The following SNX25 variants were observed in gnomAD, a reference collection of about 807,000 sequenced individuals.
The protein encoded by SNX25 is sorting nexin 25.
A neutral mutation model predicts 113.7 loss-of-function variants in SNX25; 62 were observed. The ratio of observed to expected loss-of-function variants is 0.55; its 90% confidence interval spans 0.44 to 0.67. The LOEUF (loss-of-function observed/expected upper bound fraction) is 0.67, where lower values mean the gene tolerates loss of function less well. Ranked by LOEUF, SNX25 falls within the 30% of genes least tolerant of loss-of-function variation. The pLI, the probability that SNX25 is intolerant of heterozygous loss-of-function variation, is 0.00. For missense variants in SNX25, 1,014 were observed against 1,161.0 expected (o/e 0.87, Z 1.84); for synonymous variants, 421 against 436.2 (o/e 0.97, Z 0.43).
In SNX25 at chr4:185,363,507, TAG is replaced by T; in HGVS notation, c.*44_*45del. On this transcript the variant is annotated 3_prime_UTR_variant, in exon 19 of 19. Coordinates refer to ENST00000652585, the MANE Select transcript of SNX25 (RefSeq NM_001378034.2). The surrounding 1 kb of genome is among the most constrained non-coding windows in gnomAD (Gnocchi z 4.2). ...CACCAGAAAAATGTCTGTGTAATAA[TAG>T]ACATGAAACATTTTCCTCTTTTCCA... The T allele has an allele frequency of 6.4e-7, 1 of 1,568,424 alleles. No individual in the cohort carries two copies. The highest frequency in any genetic ancestry group is 1.3e-5 in the African/African-American group (1 of 74,116).
At chr4:185,212,662 G>A (rs1266801739) in intron 1 of SNX25, among the ~76,000 whole-genome samples, 3 of 152,048 alleles carry the variant, frequency 2.0e-5, no homozygotes, top group Non-Finnish European at 4.4e-5. Context: ...CTTTTTAAAT[G>A]TTCTCTTCTT....
chr4:185,207,970 G>A (rs559756363), upstream of SNX25, among the ~76,000 whole-genome samples: 5 of 152,216 alleles, frequency 3.3e-5, no homozygotes, highest in Admixed American at 6.5e-5. Context: ...AGATTTGGTT[G>A]TTGTTGATAA....
intron 18 of SNX25, 106 bp downstream of exon 18, chr4:185,362,817 A>G: frequency 1.4e-6 from 1 of 703,562 alleles, no homozygotes; most frequent in South Asian, 1.9e-5. Flanking sequence ...TCATTCTCAC[A>G]TACTAGTCAT....
intron 6 of SNX25, among the ~76,000 whole-genome samples, chr4:185,297,895 G>A (rs1242551907): frequency 1.6e-4 from 25 of 151,972 alleles, no homozygotes; most frequent in Non-Finnish European, 1.5e-5. Flanking sequence ...AATTTTAGAG[G>A]GACACATTCA....
intron 5 of SNX25, among the ~76,000 whole-genome samples, chr4:185,270,346 TG>T (rs1748748702): frequency 6.6e-6 from 1 of 152,206 alleles, no homozygotes; most frequent in South Asian, 2.1e-4. Flanking sequence ...TACTATGTGA[TG>T]AAACAAAAAT....
upstream of SNX25, among the ~76,000 whole-genome samples, chr4:185,208,685 C>A (rs976524352): frequency 6.6e-6 from 1 of 151,636 alleles, no homozygotes; most frequent in East Asian, 2.0e-4. Context: ...CCGAGATCGC[C>A]CCACTGCACT....
Position 185,317,607 on chromosome 4 carries a change from G to T in SNX25, c.1345-3126G>T, listed in dbSNP as rs550436774. 1.7e-4 allele frequency among the ~76,000 whole-genome samples: 26 copies of T among 152,308 alleles called. No individual in the cohort carries two copies. The South Asian group carries it at 5.4e-3, about 32-fold the overall frequency. On this transcript the variant is annotated intron_variant, in intron 7 of 18. Transcript: ENST00000652585. The stretch of plus-strand genomic sequence containing the variant: ...CAATGATAGACTGGAAGAAGAAAAT[G>T]TGGCACATATACACCATGGAGTACT...
intron 1 of SNX25, among the ~76,000 whole-genome samples, chr4:185,229,984 A>G (rs1741587287): frequency 1.3e-5 from 2 of 151,994 alleles, no homozygotes; most frequent in African/African-American, 2.4e-5. Flanking sequence ...ACGTGCCACC[A>G]TGCCTGGCCA....
rs2095216961 is a variant in SNX25, at chr4:185,334,478, GA to G, written c.1914+1722del. On this transcript the variant is annotated intron_variant, in intron 10 of 18. Transcript: ENST00000652585. The surrounding 1 kb of genome is among the most constrained non-coding windows in gnomAD (Gnocchi z 4.2). ...CTCCCATTTACTACATACAGAACTC[GA>G]AAGCCTGATAGTCTTCCCAGTGACA... is the stretch of plus-strand genomic sequence containing the variant. 6.6e-6 allele frequency among the ~76,000 whole-genome samples: 1 copy of G among 152,146 alleles called. No homozygotes were observed. The highest frequency in any genetic ancestry group is 1.5e-5 in the Non-Finnish European group (1 of 68,036).
chr4:185,353,562 A>G lies in SNX25; in HGVS notation c.2544A>G (p.Pro848=), dbSNP rs961623196. The G allele has an allele frequency of 1.2e-6, 2 of 1,614,152 alleles. No homozygotes were observed. The highest frequency in any genetic ancestry group is 1.7e-6 in the Non-Finnish European group (2 of 1,180,032). ...VDGRKDALAE[P]CFMLIGEIFE... is the part of the protein sequence containing the mutation. ...GGAGGAAAGACGCCTTGGCTGAACC[A>G]TGTTTCATGTTGATTGGGGAGATTT... The change falls in exon 15 of 19, where the codon CCA becomes CCG. Residue 848 remains proline (P), a synonymous_variant. Coordinates refer to ENST00000652585, the MANE Select transcript of SNX25 (RefSeq NM_001378034.2).
chr4:185,353,258 CA>C (rs1158702617), intron 14 of SNX25: 6 of 422,420 alleles, frequency 1.4e-5, no homozygotes, highest in Non-Finnish European at 2.5e-5. Flanking sequence ...AATACAGCGA[CA>C]GATTTTTTTT....
At chr4:185,360,918 CAA>C (rs972994015) in intron 16 of SNX25, among the ~76,000 whole-genome samples, 1 of 115,918 alleles carries the variant, frequency 8.6e-6, no homozygotes, top group African/African-American at 4.3e-5. Context: ...GACTCCGTCT[CAA>C]AAAAAAAATA....
At chr4:185,365,884 C>G (rs992015704), downstream of SNX25, 1 of 152,086 alleles carries the variant, frequency 6.6e-6, no homozygotes, top group African/African-American at 2.4e-5. Flanking sequence ...TTCCCTTACA[C>G]AAAGACAAAA....
At chr4:185,343,608 T>A (rs1278141242) in intron 12 of SNX25, among the ~76,000 whole-genome samples, 2 of 152,234 alleles carry the variant, frequency 1.3e-5, no homozygotes, top group Non-Finnish European at 2.9e-5. Flanking sequence ...ATTAATGGAA[T>A]CTTACTTTTA....
chr4:185,367,194 G>T, downstream of SNX25: 1 of 1,612,360 alleles, frequency 6.2e-7, no homozygotes, highest in South Asian at 1.1e-5. Context: ...ATTCTTTGAC[G>T]AATAAGTAAG....
At chr4:185,216,667 C>T (rs1376108241) in intron 1 of SNX25, among the ~76,000 whole-genome samples, 2 of 151,728 alleles carry the variant, frequency 1.3e-5, no homozygotes, top group African/African-American at 4.8e-5. Context: ...TGATAGGCGC[C>T]CGCCACCACG....
chr4:185,266,570 C>G (rs1227287089), intron 4 of SNX25, among the ~76,000 whole-genome samples: 2 of 152,102 alleles, frequency 1.3e-5, no homozygotes, highest in Non-Finnish European at 2.9e-5. Context: ...CCATGTTAGC[C>G]AGGCTGGTCT....
intron 5 of SNX25, among the ~76,000 whole-genome samples, chr4:185,283,426 G>A (rs767991769): frequency 2.6e-5 from 4 of 152,166 alleles, no homozygotes; most frequent in Non-Finnish European, 5.9e-5. Context: ...AGGAGAAGGA[G>A]AAATATTACT....
chr4:185,290,613 G>A (rs1047711416), intron 6 of SNX25, among the ~76,000 whole-genome samples: 9 of 152,162 alleles, frequency 5.9e-5, no homozygotes, highest in African/African-American at 1.9e-4. Context: ...TGCTTAATAC[G>A]AAATTTTAGC....
Sources: allele counts gnomAD v4.1 joint callset (sites outside exome capture counted in the v4.1 genomes callset), GRCh38; gene constraint gnomAD v4.1.1; non-coding constraint Gnocchi (gnomAD v3.1); transcripts MANE v1.5; gene names NCBI Gene and HGNC (gene_info 2026-07-23, HGNC 2026-07-21).